The following STAMBPL1 variants were observed in gnomAD, a reference collection of about 807,000 sequenced individuals.
STAMBPL1 encodes STAM binding protein like 1, also known as AMSH-like protease.
A neutral mutation model predicts 52.9 loss-of-function variants in STAMBPL1; 44 were observed. The ratio of observed to expected loss-of-function variants is 0.83; its 90% confidence interval spans 0.65 to 1.07. The LOEUF (loss-of-function observed/expected upper bound fraction) is 1.07, where lower values mean the gene tolerates loss of function less well. STAMBPL1 is among the 50% of genes least tolerant of loss of function. The pLI, the probability that STAMBPL1 is intolerant of heterozygous loss-of-function variation, is 0.00. For missense variants in STAMBPL1, 511 were observed against 520.8 expected (o/e 0.98, Z 0.18); for synonymous variants, 164 against 177.3 (o/e 0.92, Z 0.60).
intron 3 of STAMBPL1, among the ~76,000 whole-genome samples, chr10:88,906,223 A>C (rs1173481844): frequency 1.3e-5 from 2 of 152,252 alleles, no homozygotes; most frequent in African/African-American, 4.8e-5. Flanking sequence ...ACTATGTACA[A>C]AAGAGCTGTC....
Position 88,913,331 on chromosome 10 carries a change from C to A in STAMBPL1, c.651C>A (p.His217Gln), listed in dbSNP as rs1319045724. 6.2e-7 allele frequency: 1 copy of A among 1,613,878 alleles called. No homozygotes were observed. Among genetic ancestry groups the A allele is most frequent in the Non-Finnish European group, 8.5e-7 (1 of 1,179,848 alleles). The change falls in exon 6 of 11, where the codon CAC (histidine) becomes CAA (glutamine). Residue 217 changes from histidine (H) to glutamine (Q), a missense_variant. By Grantham distance (24) the His-to-Gln change is conservative. This residue lies in a region of STAMBPL1 where 358 missense variants were observed against 343.5 expected (regional missense o/e 1.04). Transcript: ENST00000371926. Reference protein sequence around the residue: ...DGSALSCFSTHQNNSLLNVFA... With the variant: ...DGSALSCFSTQQNNSLLNVFA... ...GCGCTTTGTCCTGCTTTTCCACACA[C>A]CAGAACAATTCCTTGCTGAATGTAT...
At chr10:88,887,285 T>C (rs1222168828) in intron 1 of STAMBPL1, among the ~76,000 whole-genome samples, 1 of 152,182 alleles carries the variant, frequency 6.6e-6, no homozygotes, top group East Asian at 1.9e-4. Flanking sequence ...CATTGGTGGG[T>C]GTAGAACTTT....
intron 1 of STAMBPL1, among the ~76,000 whole-genome samples, chr10:88,883,987 T>G (rs954729923): frequency 6.6e-6 from 1 of 152,188 alleles, no homozygotes; most frequent in Admixed American, 6.5e-5. Flanking sequence ...GATGACAGAT[T>G]AGAAAGCTAT....
intron 1 of STAMBPL1, among the ~76,000 whole-genome samples, chr10:88,892,134 G>C (rs1313533749): frequency 6.6e-6 from 1 of 152,200 alleles, no homozygotes; most frequent in Non-Finnish European, 1.5e-5. Context: ...ACTTCAGAGA[G>C]GCCAAGGCAG....
chr10:88,910,493 C>T (rs1201564639), intron 4 of STAMBPL1, among the ~76,000 whole-genome samples: 1 of 152,148 alleles, frequency 6.6e-6, no homozygotes, highest in East Asian at 1.9e-4. Flanking sequence ...TTTTTACAGT[C>T]TAGCATGTCT....
intron 10 of STAMBPL1, 143 bp downstream of exon 10, chr10:88,922,579 A>C (rs987592939): frequency 4.6e-6 from 3 of 656,200 alleles, no homozygotes; most frequent in African/African-American, 1.8e-5. Context: ...AAATTAATCT[A>C]TCTGTATACT....
chr10:88,887,436 A>G (rs1844564902), intron 1 of STAMBPL1, among the ~76,000 whole-genome samples: 1 of 152,248 alleles, frequency 6.6e-6, no homozygotes, highest in South Asian at 2.1e-4. Flanking sequence ...TAACTAGGGC[A>G]GTGATTCTCA....
intron 8 of STAMBPL1, among the ~76,000 whole-genome samples, chr10:88,920,329 T>C (rs548362495): frequency 7.2e-5 from 11 of 152,346 alleles, no homozygotes; most frequent in Non-Finnish European, 1.3e-4. Flanking sequence ...GGAATTTTAA[T>C]GGACTGTCCT....
intron 1 of STAMBPL1, among the ~76,000 whole-genome samples, chr10:88,885,245 G>A (rs867279484): frequency 1.4e-4 from 22 of 152,196 alleles, no homozygotes; most frequent in African/African-American, 4.3e-4. Flanking sequence ...ACTGATTAGA[G>A]CAAGAAAAGT....
chr10:88,891,664 T>C (rs1043093975), intron 1 of STAMBPL1, among the ~76,000 whole-genome samples: 4 of 152,138 alleles, frequency 2.6e-5, no homozygotes, highest in Non-Finnish European at 5.9e-5. Flanking sequence ...TTATAAGGTA[T>C]TTTTTTGCCA....
intron 8 of STAMBPL1, 85 bp from the exon 9 acceptor site, chr10:88,921,194 TAAAA>T: frequency 1.0e-6 from 1 of 991,032 alleles, no homozygotes; most frequent in Non-Finnish European, 1.5e-6. Flanking sequence ...TGGTAAAAAC[TAAAA>T]AAAAACAGAG....
chr10:88,892,782 C>G (rs569789711), intron 1 of STAMBPL1, among the ~76,000 whole-genome samples: 1 of 152,136 alleles, frequency 6.6e-6, no homozygotes, highest in Non-Finnish European at 1.5e-5. Context: ...CCCTCTTTTG[C>G]TTTTGAATAA....
chr10:88,891,402 A>T (rs1844679595), intron 1 of STAMBPL1, among the ~76,000 whole-genome samples: 1 of 152,214 alleles, frequency 6.6e-6, no homozygotes, highest in African/African-American at 2.4e-5. Context: ...AAAAATAGAA[A>T]TAGAAAAATG....
At chr10:88,916,656 A>C in intron 7 of STAMBPL1, 24 bp from the exon 8 acceptor site, 2 of 1,557,970 alleles carry the variant, frequency 1.3e-6, no homozygotes, top group East Asian at 4.7e-5. Context: ...GATGCATGTC[A>C]TTCTTTCTGC....
intron 1 of STAMBPL1, among the ~76,000 whole-genome samples, chr10:88,897,996 A>G (rs1255466881): frequency 6.6e-6 from 1 of 152,008 alleles, no homozygotes; most frequent in Admixed American, 6.6e-5. Flanking sequence ...CTTGCTGTTA[A>G]TTTTTCCTGT....
At chr10:88,888,769 G>A (rs1160112634) in intron 1 of STAMBPL1, among the ~76,000 whole-genome samples, 2 of 152,162 alleles carry the variant, frequency 1.3e-5, no homozygotes, top group East Asian at 1.9e-4. Flanking sequence ...TGTAGAAATT[G>A]GCAGGGCTAG....
At chr10:88,900,705 T>C (rs1219842414) in intron 1 of STAMBPL1, among the ~76,000 whole-genome samples, 1 of 152,240 alleles carries the variant, frequency 6.6e-6, no homozygotes, top group Non-Finnish European at 1.5e-5. Context: ...ATTTGTTTTC[T>C]ATTGCTGCTT....
rs369679256 is a variant in STAMBPL1 at position 88,884,633 on chromosome 10, T to G, written c.-54+3995T>G. ...TGGCACAAGTGTGATCACTAATACCTTCCACACCCACAGAGACATCACCAG... is the reference window on the plus strand; with the variant it reads ...TGGCACAAGTGTGATCACTAATACCGTCCACACCCACAGAGACATCACCAG... On this transcript the variant is annotated intron_variant, in intron 1 of 10. Transcript: ENST00000371926. Among the ~76,000 whole-genome samples the G allele has an allele frequency of 2.4e-4, 36 of 152,344 alleles. 1 individual carries two copies. The East Asian group carries it at 6.9e-3, about 29-fold the overall frequency.
intron 1 of STAMBPL1, among the ~76,000 whole-genome samples, chr10:88,896,627 C>T (rs542534736): frequency 4.6e-5 from 7 of 152,250 alleles, no homozygotes; most frequent in African/African-American, 7.2e-5. Flanking sequence ...TGGGCCACAC[C>T]TACTTATCCA....
Sources: gnomAD v4.1 joint callset for allele counts (sites outside exome capture counted in the v4.1 genomes callset) on GRCh38, gnomAD v4.1.1 for gene constraint, gnomAD v4.1.1 regional missense constraint, MANE v1.5 for transcripts, NCBI Gene and HGNC (gene_info 2026-07-23, HGNC 2026-07-21) for gene names.